AKR1D1: variants seen among roughly 807,000 people sequenced by gnomAD.
The protein encoded by AKR1D1 is aldo-keto reductase family 1 member D1.
In AKR1D1, 32 loss-of-function variants were observed where a neutral mutation model predicts 42.6. The observed-to-expected ratio is 0.75, with a 90% CI of 0.57 to 1.01. AKR1D1 has a LOEUF of 1.01. AKR1D1 is among the 50% of genes least tolerant of loss of function. The pLI, the probability that AKR1D1 is intolerant of heterozygous loss-of-function variation, is 0.00. For synonymous variants in AKR1D1, 123 were observed against 135.5 expected (o/e 0.91, Z 0.64); for missense variants, 364 against 402.2 (o/e 0.91, Z 0.81).
intron 4 of AKR1D1, among the ~76,000 whole-genome samples, chr7:138,099,039 C>T (rs1472088519): frequency 6.6e-6 from 1 of 152,066 alleles, no homozygotes; most frequent in African/African-American, 2.4e-5. Flanking sequence ...TTCCAAACTC[C>T]AAAAGTTTGG....
intron 3 of AKR1D1, among the ~76,000 whole-genome samples, chr7:138,093,876 A>G (rs1328483486): frequency 6.6e-6 from 1 of 152,222 alleles, no homozygotes. Context: ...ACATGATGTC[A>G]CTAGGTGATA....
chr7:138,103,809 A>T (rs909990406), intron 4 of AKR1D1, among the ~76,000 whole-genome samples: 30 of 152,212 alleles, frequency 2.0e-4, no homozygotes, highest in African/African-American at 7.0e-4. Flanking sequence ...TATCAAATAA[A>T]GTATCTTCAA....
intron 2 of AKR1D1, 26 bp downstream of exon 2, chr7:138,088,794 T>C (rs1793996772): frequency 1.3e-6 from 2 of 1,570,360 alleles, no homozygotes; most frequent in Non-Finnish European, 1.7e-6. Context: ...CAGCCTCCAC[T>C]GGGGACAGTG....
chr7:138,106,532 A>AT (rs917923070), intron 5 of AKR1D1, 76 bp from the exon 6 acceptor site: 298 of 1,124,902 alleles, frequency 2.6e-4, no homozygotes, highest in Admixed American at 4.8e-4. Flanking sequence ...TTATTGAAGA[A>AT]TTTTTTTTAA....
intron 1 of AKR1D1, among the ~76,000 whole-genome samples, chr7:138,087,846 T>A (rs569609110): frequency 9.9e-5 from 15 of 152,090 alleles, no homozygotes; most frequent in African/African-American, 2.7e-4. Context: ...ATAATTATTT[T>A]GAGATTCATC....
intron 3 of AKR1D1, among the ~76,000 whole-genome samples, chr7:138,095,406 A>T (rs1794164835): frequency 6.6e-6 from 1 of 152,240 alleles, no homozygotes. Flanking sequence ...AGATGGGAGG[A>T]AGTTGAAAAG....
intron 3 of AKR1D1, among the ~76,000 whole-genome samples, chr7:138,094,787 T>C (rs1244828940): frequency 1.3e-5 from 2 of 152,334 alleles, no homozygotes; most frequent in African/African-American, 2.4e-5. Context: ...CCCAAAGTGC[T>C]GGGATTACAG....
chr7:138,101,170 TCCCTCCCTCCCTC>T (rs1794303786), intron 4 of AKR1D1, among the ~76,000 whole-genome samples: 2 of 29,182 alleles, frequency 6.9e-5, no homozygotes, highest in South Asian at 2.7e-3. Flanking sequence ...CCTCCCTCCC[TCCCTCCCTCCCTC>T]CCTCCCTCCC....
chr7:138,104,682 GAA>G (rs35063839), intron 4 of AKR1D1, among the ~76,000 whole-genome samples: 4 of 131,932 alleles, frequency 3.0e-5, no homozygotes, highest in African/African-American at 1.1e-4. Flanking sequence ...CTCCATCTCG[GAA>G]AAAAAAAAAA....
chr7:138,102,538 C>T (rs1585735753), intron 4 of AKR1D1, among the ~76,000 whole-genome samples: 1 of 152,062 alleles, frequency 6.6e-6, no homozygotes, highest in African/African-American at 2.4e-5. Flanking sequence ...AACCCAGCCT[C>T]AGTGACAGAG....
chr7:138,088,560 C>A (rs761114992), intron 1 of AKR1D1, 41 bp from the exon 2 acceptor site: 2 of 1,604,050 alleles, frequency 1.2e-6, no homozygotes, highest in Non-Finnish European at 1.7e-6. Context: ...AAGGAAAGAC[C>A]ATTTCTCTTT....
At chr7:138,104,439 TATA>T (rs1208198650) in intron 4 of AKR1D1, among the ~76,000 whole-genome samples, 1 of 152,158 alleles carries the variant, frequency 6.6e-6, no homozygotes, top group Non-Finnish European at 1.5e-5. Context: ...GGCTCATGCC[TATA>T]ATACCAGCAC....
chr7:138,110,455 T>C (rs145357177), intron 7 of AKR1D1, among the ~76,000 whole-genome samples: 145 of 152,012 alleles, frequency 9.5e-4, no homozygotes, highest in African/African-American at 3.3e-3. Context: ...AAAAGTTAAG[T>C]TAAATCATCA....
chr7:138,077,623 T>C (rs975467340), intron 1 of AKR1D1, among the ~76,000 whole-genome samples: 4 of 152,238 alleles, frequency 2.6e-5, no homozygotes, highest in African/African-American at 9.6e-5. Flanking sequence ...CTTATGAGAA[T>C]ATCTGTTCCT....
At chr7:138,082,435 G>A (rs1013021130) in intron 1 of AKR1D1, among the ~76,000 whole-genome samples, 5 of 151,790 alleles carry the variant, frequency 3.3e-5, no homozygotes, top group Admixed American at 1.3e-4. Context: ...TGGTGCAATC[G>A]TAGCTCACTG....
At chr7:138,082,736 G>A (rs1322504090) in intron 1 of AKR1D1, among the ~76,000 whole-genome samples, 1 of 152,002 alleles carries the variant, frequency 6.6e-6, no homozygotes, top group Non-Finnish European at 1.5e-5. Context: ...TTTAACTTTT[G>A]ACTAATAATT....
rs569318443 is a variant in AKR1D1, at chr7:138,117,230, A to G, written c.*568A>G. 6.5e-6 allele frequency: 1 copy of G among 153,326 alleles called. No individual in the cohort carries two copies. The highest frequency in any genetic ancestry group is 2.1e-4 in the South Asian group (1 of 4,868). The allele number at this position is 153,326 out of a possible 1,614,324, so 9.5% of individuals were successfully genotyped here. ...CCACAGTGGTCAACAAAGCCATCAT[A>G]ATGTTGGTGTTTGTTTCCCTCCAAT... On this transcript the variant is annotated 3_prime_UTR_variant, in exon 9 of 9. Transcript: ENST00000242375.
At chr7:138,096,623 T>C (rs1358480972) in intron 3 of AKR1D1, among the ~76,000 whole-genome samples, 1 of 152,194 alleles carries the variant, frequency 6.6e-6, no homozygotes, top group Non-Finnish European at 1.5e-5. Flanking sequence ...AACAAAGACT[T>C]TCATCCTGCC....
chr7:138,116,745 A>C lies in AKR1D1; in HGVS notation c.*83A>C. The C allele has an allele frequency of 2.4e-6, 3 of 1,267,360 alleles. No homozygotes were observed. The highest frequency in any genetic ancestry group is 3.4e-6 in the Non-Finnish European group (3 of 870,904). The allele number at this position is 1,267,360 out of a possible 1,614,324, so 78.5% of individuals were successfully genotyped here. A position where few individuals can be genotyped will look rare whatever the true frequency, so the allele number is the denominator to read the frequency against. ...GGTAGTCCCCTAGATGTGAAAATGA[A>C]GAGAGAGGGTTTTACCATCCTGAGA... is the stretch of plus-strand genomic sequence containing the variant. On this transcript the variant is annotated 3_prime_UTR_variant, in exon 9 of 9. Coordinates refer to ENST00000242375, the MANE Select transcript of AKR1D1 (RefSeq NM_005989.4).
Sources: allele counts gnomAD v4.1 joint callset (sites outside exome capture counted in the v4.1 genomes callset), GRCh38; gene constraint gnomAD v4.1.1; transcripts MANE v1.5; gene names NCBI Gene and HGNC (gene_info 2026-07-23, HGNC 2026-07-21).